ANO2: variants seen among roughly 807,000 people sequenced by gnomAD.
ANO2 encodes the protein anoctamin-2.
A neutral mutation model predicts 124.2 loss-of-function variants in ANO2; 101 were observed. That is an observed-to-expected ratio of 0.81 (90% CI 0.69 to 0.96). The LOEUF (loss-of-function observed/expected upper bound fraction) is 0.96, where lower values mean the gene tolerates loss of function less well. ANO2 is among the 40% of genes least tolerant of loss of function. The pLI, the probability that ANO2 is intolerant of heterozygous loss-of-function variation, is 0.00. For synonymous variants in ANO2, 486 were observed against 482.5 expected (o/e 1.01, Z -0.09); for missense variants, 1,293 against 1,274.5 (o/e 1.01, Z -0.22).
intron 11 of ANO2, 142 bp from the exon 12 acceptor site, chr12:5,744,459 G>C (rs1565634502): frequency 2.2e-6 from 2 of 917,318 alleles, no homozygotes. Flanking sequence ...AAAGAAGTTA[G>C]CATTGTATTC....
At position 5,858,034 on chromosome 12, in the gene ANO2, GA is replaced by G. The variant is rs146287997; in HGVS notation, c.535-3894del. On this transcript the variant is annotated intron_variant, in intron 3 of 24. Coordinates refer to ENST00000682330, the MANE Select transcript of ANO2 (RefSeq NM_001364791.2). The stretch of plus-strand genomic sequence containing the variant: ...TATTAGAGGCTGGGCAAAATGTGGA[GA>G]GGGGAGGATGGGGAGAGGTTGGTTA... Among the ~76,000 whole-genome samples, 595 of 152,338 alleles carry G rather than the reference GA, an allele frequency of 3.9e-3. 4 individuals are homozygous for G. The highest frequency in any genetic ancestry group is 0.014 in the African/African-American group (571 of 41,570).
chr12:5,895,796 GAA>G (rs939256112), intron 3 of ANO2, among the ~76,000 whole-genome samples: 2 of 141,876 alleles, frequency 1.4e-5, no homozygotes, highest in East Asian at 4.1e-4. Flanking sequence ...CTACCCAAAG[GAA>G]AAAAAAAAAG....
intron 10 of ANO2, among the ~76,000 whole-genome samples, 167 bp from the exon 11 acceptor site, chr12:5,751,137 GAATC>G (rs763165480): frequency 5.3e-5 from 8 of 152,188 alleles, no homozygotes; most frequent in Non-Finnish European, 1.2e-4. Flanking sequence ...TCAGTACAAA[GAATC>G]AACAACTGAG....
chr12:5,660,251 A>G (rs1947371117), intron 14 of ANO2, among the ~76,000 whole-genome samples: 1 of 151,734 alleles, frequency 6.6e-6, no homozygotes, highest in Non-Finnish European at 1.5e-5. Context: ...CCTTTTCTAT[A>G]CCATCATACG....
chr12:5,647,112 C>T (rs1426398774), intron 15 of ANO2, among the ~76,000 whole-genome samples: 6 of 152,180 alleles, frequency 3.9e-5, no homozygotes, highest in Non-Finnish European at 8.8e-5. Context: ...TAACTTAGTC[C>T]TCTGATTTTT....
chr12:5,685,527 A>G (rs12367549), intron 14 of ANO2, among the ~76,000 whole-genome samples: 97,160 of 152,140 alleles, frequency 0.64, 31,861 homozygotes, highest in Middle Eastern at 0.75. Flanking sequence ...GCTCAGGCCT[A>G]TAATCCCAAC....
chr12:5,831,923 C>T (rs944290615), intron 5 of ANO2, among the ~76,000 whole-genome samples: 4 of 152,148 alleles, frequency 2.6e-5, no homozygotes, highest in African/African-American at 9.7e-5. Flanking sequence ...CAAACGTTTC[C>T]AAGTGGCTAT....
chr12:5,901,867 A>C (rs1416524054), intron 3 of ANO2, among the ~76,000 whole-genome samples: 1 of 152,202 alleles, frequency 6.6e-6, no homozygotes, highest in Non-Finnish European at 1.5e-5. Flanking sequence ...CATCAAAATG[A>C]GGCTCCAGAG....
intron 16 of ANO2, among the ~76,000 whole-genome samples, chr12:5,624,538 A>C (rs1945299152): frequency 2.0e-5 from 3 of 152,204 alleles, no homozygotes; most frequent in Admixed American, 6.5e-5. Flanking sequence ...GCATACGGTC[A>C]GTCCATTCTC....
At chr12:5,595,892 A>G (rs539367066) in intron 20 of ANO2, among the ~76,000 whole-genome samples, 2 of 152,336 alleles carry the variant, frequency 1.3e-5, no homozygotes, top group African/African-American at 4.8e-5. Context: ...TAATTCTTTC[A>G]TATCACATGA....
At chr12:5,893,538 C>T (rs56152264) in intron 3 of ANO2, among the ~76,000 whole-genome samples, 11,827 of 147,822 alleles carry the variant, frequency 0.08, 937 homozygotes, top group African/African-American at 0.2. Context: ...ATGTGCAGAA[C>T]GTGGAGGTTT....
At chr12:5,664,146 A>G (rs251780) in intron 14 of ANO2, among the ~76,000 whole-genome samples, 59,904 of 152,210 alleles carry the variant, frequency 0.39, 12,935 homozygotes, top group African/African-American at 0.55. Context: ...GTGCATACAC[A>G]CAAACTCATG....
intron 10 of ANO2, among the ~76,000 whole-genome samples, chr12:5,792,976 A>T (rs1952740601): frequency 6.6e-6 from 1 of 152,194 alleles, no homozygotes. Context: ...AGTCCCAAGA[A>T]GGACAATCAC....
chr12:5,798,581 A>G (rs1017720186), intron 10 of ANO2, among the ~76,000 whole-genome samples: 3 of 152,180 alleles, frequency 2.0e-5, no homozygotes, highest in Non-Finnish European at 2.9e-5. Context: ...CAGGGCAGTG[A>G]GTCCACCATG....
intron 14 of ANO2, among the ~76,000 whole-genome samples, chr12:5,681,895 T>G (rs1463197322): frequency 6.6e-6 from 1 of 152,228 alleles, no homozygotes; most frequent in Non-Finnish European, 1.5e-5. Flanking sequence ...TGGAAGTTCC[T>G]TTCATGGGTC....
intron 14 of ANO2, 29 bp from the exon 15 acceptor site, chr12:5,647,830 T>G: frequency 6.5e-7 from 1 of 1,535,540 alleles, no homozygotes; most frequent in Non-Finnish European, 9.0e-7. Context: ...GTAGAGACAA[T>G]CAGGAGGCAC....
intron 3 of ANO2, among the ~76,000 whole-genome samples, chr12:5,896,714 C>G (rs114280640): frequency 6.6e-6 from 1 of 152,090 alleles, no homozygotes; most frequent in Non-Finnish European, 1.5e-5. Flanking sequence ...AGAAATAATT[C>G]TCCCTATTAA....
intron 10 of ANO2, among the ~76,000 whole-genome samples, chr12:5,779,863 C>T (rs11612685): frequency 1.2e-3 from 179 of 151,966 alleles, no homozygotes; most frequent in South Asian, 2.5e-3. Context: ...TCATGAAAGA[C>T]GAAGAAAGGA....
chr12:5,619,186 G>A (rs1944984237), intron 16 of ANO2, among the ~76,000 whole-genome samples: 1 of 152,172 alleles, frequency 6.6e-6, no homozygotes, highest in Non-Finnish European at 1.5e-5. Flanking sequence ...AGGGGTCTCT[G>A]TATGGGGACT....
Sources: gnomAD v4.1 joint callset for allele counts (sites outside exome capture counted in the v4.1 genomes callset) on GRCh38, gnomAD v4.1.1 for gene constraint, MANE v1.5 for transcripts, NCBI Gene and HGNC (gene_info 2026-07-23, HGNC 2026-07-21) for gene names.